RGS6: variants seen among roughly 807,000 people sequenced by gnomAD.
The protein encoded by RGS6 is regulator of G-protein signaling 6.
A neutral mutation model predicts 78.5 loss-of-function variants in RGS6; 30 were observed. That is an observed-to-expected ratio of 0.38 (90% confidence interval 0.29 to 0.52). The LOEUF (loss-of-function observed/expected upper bound fraction) is 0.52, where lower values mean the gene tolerates loss of function less well. Ranked by LOEUF, RGS6 falls within the 20% of genes least tolerant of loss-of-function variation. RGS6 has a pLI of 0.85. For synonymous variants in RGS6, 206 were observed against 206.0 expected (o/e 1.00, Z 0.00); for missense variants, 495 against 609.7 (o/e 0.81, Z 1.98).
rs1017193872 is a variant in RGS6 at position 72,182,184 on chromosome 14, C to T, written c.85-169911C>T. 2.6e-5 allele frequency among the ~76,000 whole-genome samples: 4 copies of T among 151,836 alleles called. No individual in the cohort carries two copies. In the East Asian group the frequency reaches 5.8e-4, roughly 22 times the overall value. On this transcript the variant is annotated intron_variant, in intron 2 of 17. Coordinates refer to ENST00000553525, the MANE Select transcript of RGS6 (RefSeq NM_001204424.2). ...CAGCACTTTGGGAGGCCGAGGTGGG[C>T]GGATCATGCGGTCAAGAGATCGAGA... is the stretch of plus-strand genomic sequence containing the variant.
chr14:72,517,271 T>C (rs779926312), intron 14 of RGS6, among the ~76,000 whole-genome samples: 2 of 152,190 alleles, frequency 1.3e-5, no homozygotes, highest in Non-Finnish European at 2.9e-5. Flanking sequence ...CTAGACTACC[T>C]GTGATTCCCG....
chr14:72,263,872 A>G (rs752703175), intron 2 of RGS6, among the ~76,000 whole-genome samples: 3 of 152,160 alleles, frequency 2.0e-5, no homozygotes, highest in Non-Finnish European at 4.4e-5. Context: ...ACCTAATGTC[A>G]CCCATCTCAT....
chr14:72,419,115 A>G (rs2094015612), intron 3 of RGS6, among the ~76,000 whole-genome samples: 4 of 152,188 alleles, frequency 2.6e-5, no homozygotes, highest in Non-Finnish European at 5.9e-5. Context: ...GATAAACACA[A>G]GGGGATATTT....
At chr14:72,175,757 C>T (rs966704175) in intron 2 of RGS6, among the ~76,000 whole-genome samples, 2 of 152,150 alleles carry the variant, frequency 1.3e-5, no homozygotes, top group Non-Finnish European at 2.9e-5. Context: ...CAGTGCCCAG[C>T]GGCTGGTACG....
chr14:72,387,580 A>G (rs1221134108), intron 3 of RGS6, among the ~76,000 whole-genome samples: 1 of 152,016 alleles, frequency 6.6e-6, no homozygotes, highest in African/African-American at 2.4e-5. Flanking sequence ...GGGATATTTG[A>G]GATACACAGA....
At chr14:72,506,912 GC>G (rs1220835890) in intron 13 of RGS6, among the ~76,000 whole-genome samples, 67 of 148,986 alleles carry the variant, frequency 4.5e-4, no homozygotes, top group African/African-American at 1.6e-3. Flanking sequence ...ACTTTGGGAG[GC>G]CGAGGCAGGT....
At chr14:72,480,933 G>A (rs1037770585) in intron 12 of RGS6, among the ~76,000 whole-genome samples, 6 of 152,182 alleles carry the variant, frequency 3.9e-5, no homozygotes, top group East Asian at 1.9e-4. Context: ...TGGGGACAGC[G>A]AGGCTGGGCT....
downstream of RGS6, among the ~76,000 whole-genome samples, chr14:72,571,009 AT>A (rs1419188361): frequency 5.3e-5 from 8 of 152,206 alleles, no homozygotes; most frequent in East Asian, 1.9e-4. Context: ...TATCTTGTAC[AT>A]TTCCTCTCCC....
At chr14:72,104,980 C>T (rs983263819) in intron 2 of RGS6, among the ~76,000 whole-genome samples, 2 of 152,160 alleles carry the variant, frequency 1.3e-5, no homozygotes, top group East Asian at 1.9e-4. Context: ...AAGAATCAGT[C>T]GAAAACATGT....
intron 2 of RGS6, among the ~76,000 whole-genome samples, chr14:71,997,441 G>A (rs2095246416): frequency 6.6e-6 from 1 of 152,200 alleles, no homozygotes; most frequent in Admixed American, 6.5e-5. Context: ...AGCCTAGAAG[G>A]ACATAGATAA....
chr14:72,615,547 C>T, the RGS6 span, among the ~76,000 whole-genome samples: 4 of 152,206 alleles, frequency 2.6e-5, no homozygotes, highest in Non-Finnish European at 4.4e-5. Flanking sequence ...AAACCCTCCC[C>T]CAACTTCAAA....
chr14:71,875,350 A>G, the RGS6 span, among the ~76,000 whole-genome samples: 82 of 152,188 alleles, frequency 5.4e-4, no homozygotes, highest in African/African-American at 1.9e-3. Context: ...CAGGGATTCA[A>G]TTTCTTCCTC....
At chr14:72,545,029 C>G (rs144287637) in intron 17 of RGS6, among the ~76,000 whole-genome samples, 292 of 152,372 alleles carry the variant, frequency 1.9e-3, no homozygotes, top group African/African-American at 6.7e-3. Context: ...GGGGAACAGC[C>G]TTGCACCCTG....
At chr14:72,144,244 T>A (rs934824762) in intron 2 of RGS6, among the ~76,000 whole-genome samples, 1 of 152,202 alleles carries the variant, frequency 6.6e-6, no homozygotes, top group African/African-American at 2.4e-5. Context: ...TCTCTTTCCA[T>A]TTCTTCCTAC....
At chr14:72,481,633 A>G (rs963968718) in intron 12 of RGS6, among the ~76,000 whole-genome samples, 2 of 152,276 alleles carry the variant, frequency 1.3e-5, no homozygotes, top group South Asian at 2.1e-4. Flanking sequence ...CCAAAATGCC[A>G]GCATCGTGGC....
the RGS6 span, among the ~76,000 whole-genome samples, chr14:71,896,215 G>A: frequency 6.6e-6 from 1 of 152,184 alleles, no homozygotes; most frequent in Non-Finnish European, 1.5e-5. Flanking sequence ...TAAAGTGAAG[G>A]CAAGTTTATC....
intron 2 of RGS6, among the ~76,000 whole-genome samples, chr14:72,081,694 CT>C (rs916737484): frequency 6.6e-6 from 1 of 151,994 alleles, no homozygotes; most frequent in Non-Finnish European, 1.5e-5. Context: ...GTCCAGATGT[CT>C]TTTTTATTTA....
At chr14:72,004,793 T>C in intron 2 of RGS6, among the ~76,000 whole-genome samples, 1 of 152,036 alleles carries the variant, frequency 6.6e-6, no homozygotes, top group East Asian at 1.9e-4. Flanking sequence ...GCCACTGCAC[T>C]CCAGCCTGGG....
intron 2 of RGS6, among the ~76,000 whole-genome samples, chr14:72,277,412 A>G (rs1443091854): frequency 6.6e-6 from 1 of 152,000 alleles, no homozygotes; most frequent in Non-Finnish European, 1.5e-5. Flanking sequence ...CCTGGCCAAC[A>G]TGGTGAAACT....
Sources: allele counts gnomAD v4.1 joint callset (sites outside exome capture counted in the v4.1 genomes callset), GRCh38; gene constraint gnomAD v4.1.1; transcripts MANE v1.5; gene names NCBI Gene and HGNC (gene_info 2026-07-23, HGNC 2026-07-21).